LZTS2: variants seen among roughly 807,000 people sequenced by gnomAD.
LZTS2 encodes leucine zipper tumor suppressor 2.
LZTS2 carries 32 observed loss-of-function variants against 60.6 expected under a neutral mutation model. The ratio of observed to expected loss-of-function variants is 0.53; its 90% CI spans 0.40 to 0.71. The LOEUF (loss-of-function observed/expected upper bound fraction) is 0.71, where lower values mean the gene tolerates loss of function less well. LZTS2 is among the 30% of genes least tolerant of loss of function. The probability of loss-of-function intolerance (pLI) is 0.00; values close to 1 mark genes in which losing one functional copy is unlikely to be tolerated. For synonymous variants in LZTS2, 360 were observed against 393.1 expected, an observed-to-expected ratio of 0.92 and a Z score of 1.00; for missense variants, 792 against 901.9, an observed-to-expected ratio of 0.88 and a Z score of 1.56.
exon 4 of LZTS2, chr10:101,007,636 G>A (rs1430573765): frequency 6.5e-6 from 8 of 1,227,698 alleles, no homozygotes; most frequent in Non-Finnish European, 8.4e-6. Context: ...GAGCTCTGCA[G>A]CCTCTCTCCT....
exon 1 of LZTS2, chr10:101,001,719 C>A (rs889895735): frequency 6.6e-6 from 1 of 152,244 alleles, no homozygotes; most frequent in African/African-American, 2.4e-5. Flanking sequence ...TACCTTCCTC[C>A]CCTCAGGGTT....
rs553300762 is a variant in LZTS2 at position 101,006,633 on chromosome 10, C to T, written c.1475C>T (p.Ala492Val). ...ACGCTGCGGGTCAGTGAGGGCCGTG[C>T]GCGGGGTCTACAGGAGGCCGCCCGA... The change falls in exon 4 of 4, where the codon GCG (alanine) becomes GTG (valine). Residue 492 changes from alanine (A) to valine (V), a missense_variant. Ala to Val is a moderately conservative substitution (Grantham distance 64). Coordinates refer to ENST00000370220, the Ensembl canonical transcript of LZTS2. 38 of 1,593,290 alleles carry T rather than the reference C, an allele frequency of 2.4e-5. No individual in the cohort carries two copies. The African/African-American group carries it at 2.4e-4, about 10-fold the overall frequency.
exon 1 of LZTS2, chr10:101,001,437 A>G (rs1852037214): frequency 6.6e-6 from 1 of 152,258 alleles, no homozygotes; most frequent in Non-Finnish European, 1.5e-5. Context: ...GCTCCTGTGC[A>G]TGTAGTCACA....
chr10:101,007,521 TCCC>T, exon 4 of LZTS2: 1 of 1,337,514 alleles, frequency 7.5e-7, no homozygotes, highest in Admixed American at 2.2e-5. Context: ...CTCTTCACAT[TCCC>T]CCCGACCCCA....
At chr10:101,005,875 G>T (rs1564818308) in intron 3 of LZTS2, among the ~76,000 whole-genome samples, 160 bp downstream of exon 4, 5 of 152,234 alleles carry the variant, frequency 3.3e-5, no homozygotes, top group Admixed American at 3.3e-4. Flanking sequence ...TGGGAGGGGG[G>T]TCTCCTTGTT....
At chr10:100,997,585 G>A (rs909198953), upstream of LZTS2, among the ~76,000 whole-genome samples, 1 of 152,190 alleles carries the variant, frequency 6.6e-6, no homozygotes, top group African/African-American at 2.4e-5. Context: ...GTGCGGGAAA[G>A]GGGCAGCCCT....
At chr10:101,003,055 AGACCT>A (rs903663630) in intron 1 of LZTS2, 109 bp downstream of exon 2, 94 of 1,338,470 alleles carry the variant, frequency 7.0e-5, no homozygotes, top group Non-Finnish European at 8.9e-5. Flanking sequence ...CAGATTCACC[AGACCT>A]GGGTCCTAAT....
At chr10:101,000,782 G>C (rs1461978560) in exon 1 of LZTS2, 1 of 152,314 alleles carries the variant, frequency 6.6e-6, no homozygotes, top group Non-Finnish European at 1.5e-5. Context: ...GCTCTGCTGG[G>C]GGCTGGGGTG....
exon 4 of LZTS2, chr10:101,006,625 G>A (rs1162374909): frequency 1.9e-6 from 3 of 1,597,944 alleles, no homozygotes; most frequent in Middle Eastern, 2.1e-4. Context: ...GGGTCAGTGA[G>A]GGCCGTGCGC....
exon 4 of LZTS2, chr10:101,006,938 G>C: frequency 6.5e-7 from 1 of 1,541,496 alleles, no homozygotes; most frequent in Non-Finnish European, 8.8e-7. Context: ...GGAGCAGCGG[G>C]ACAGCTTTGA....
chr10:101,003,538 C>T, exon 2 of LZTS2: 2 of 1,526,742 alleles, frequency 1.3e-6, no homozygotes, highest in Non-Finnish European at 1.8e-6. Flanking sequence ...CGCCCAACAG[C>T]CTTCAAGCCA....
chr10:100,998,951 G>C (rs1034141300), upstream of LZTS2: 1 of 152,496 alleles, frequency 6.6e-6, no homozygotes, highest in East Asian at 1.9e-4. Context: ...GGTCTTGTGG[G>C]TGTTAGGGAG....
At chr10:101,004,468 T>A (rs540907223) in intron 2 of LZTS2, among the ~76,000 whole-genome samples, 11 of 152,170 alleles carry the variant, frequency 7.2e-5, no homozygotes, top group African/African-American at 2.7e-4. Context: ...CTAAGTGTGG[T>A]GGCATGTACC....
exon 1 of LZTS2, chr10:101,002,525 G>C (rs200087695): frequency 1.0e-4 from 154 of 1,509,032 alleles, no homozygotes; most frequent in Non-Finnish European, 1.3e-4. Context: ...GGCCAGGCCT[G>C]AGCCTCTGCC....
exon 4 of LZTS2, chr10:101,007,539 C>T: frequency 7.6e-7 from 1 of 1,321,556 alleles, no homozygotes; most frequent in Non-Finnish European, 9.9e-7. Context: ...ACCCCAAAGC[C>T]AGAGAAAGCC....
At chr10:101,007,283 G>T in exon 4 of LZTS2, 1 of 1,425,660 alleles carries the variant, frequency 7.0e-7, no homozygotes, top group African/African-American at 1.4e-5. Flanking sequence ...AAAGCCACTT[G>T]TCTCCTAGGA....
At chr10:101,007,670 C>G (rs969953800) in exon 4 of LZTS2, 12 of 1,078,664 alleles carry the variant, frequency 1.1e-5, no homozygotes, top group Non-Finnish European at 1.3e-5. Flanking sequence ...TGAAGTCAGA[C>G]CAAAGGAAGA....
exon 1 of LZTS2, chr10:101,000,743 G>A (rs923150975): frequency 6.6e-6 from 1 of 152,388 alleles, no homozygotes; most frequent in African/African-American, 2.4e-5. Flanking sequence ...AGTGGGCCCA[G>A]AGAGGGGAGG....
At chr10:101,003,874 G>A (rs1564817087) in exon 2 of LZTS2, 4 of 1,613,074 alleles carry the variant, frequency 2.5e-6, no homozygotes, top group Admixed American at 1.7e-5. Flanking sequence ...GCACTGCCTG[G>A]GCCAGCCCGA....
Sources: gnomAD v4.1 joint callset for allele counts (sites outside exome capture counted in the v4.1 genomes callset) on GRCh38, gnomAD v4.1.1 for gene constraint, MANE v1.5 for transcripts, NCBI Gene and HGNC (gene_info 2026-07-23, HGNC 2026-07-21) for gene names.